SPAG17: variants seen among roughly 807,000 people sequenced by gnomAD.
SPAG17 encodes sperm associated antigen 17.
A neutral mutation model predicts 273.6 loss-of-function variants in SPAG17; 169 were observed. That is an observed-to-expected ratio of 0.62 (90% CI 0.55 to 0.70). SPAG17 has a LOEUF of 0.70. Among genes scored for constraint, SPAG17 ranks in the 30% least tolerant of loss-of-function variants. The probability of loss-of-function intolerance (pLI) is 0.00; values close to 1 mark genes in which losing one functional copy is unlikely to be tolerated. For synonymous variants in SPAG17, 825 were observed against 873.2 expected, an observed-to-expected ratio of 0.94 and a Z score of 0.97; for missense variants, 2,557 against 2,627.8, an observed-to-expected ratio of 0.97 and a Z score of 0.59.
chr1:118,142,497 A>G (rs910496149), intron 3 of SPAG17, among the ~76,000 whole-genome samples: 5 of 152,214 alleles, frequency 3.3e-5, no homozygotes, highest in Non-Finnish European at 5.9e-5. Flanking sequence ...AATAAAAAAA[A>G]TTTAAAGCCT....
intron 28 of SPAG17, among the ~76,000 whole-genome samples, chr1:118,022,630 A>G (rs1647246529): frequency 6.6e-6 from 1 of 152,190 alleles, no homozygotes; most frequent in Non-Finnish European, 1.5e-5. Context: ...TTCTCAGGAC[A>G]GCAGTCTTGC....
At chr1:118,007,077 G>T (rs558269990) in intron 31 of SPAG17, among the ~76,000 whole-genome samples, 2 of 151,912 alleles carry the variant, frequency 1.3e-5, no homozygotes, top group Admixed American at 1.3e-4. Context: ...CGTTCTTGGT[G>T]GTGTCCTTTG....
At position 117,998,587 on chromosome 1, in the gene SPAG17, T is replaced by C. The variant is rs149896540; in HGVS notation, c.4777-1844A>G. On this transcript the variant is annotated intron_variant, in intron 32 of 48. Coordinates refer to ENST00000336338, the MANE Select transcript of SPAG17 (RefSeq NM_206996.4). ...TTTAGAATAGCTTTTTCTGATTCTG[T>C]GAAGAATGTCATTGGTACTGTGATA... 4.6e-3 allele frequency among the ~76,000 whole-genome samples: 705 copies of C among 152,302 alleles called. 2 individuals carry two copies. The highest frequency in any genetic ancestry group is 6.9e-3 in the Admixed American group (105 of 15,298).
At chr1:118,063,343 G>T (rs1571383196) in intron 18 of SPAG17, among the ~76,000 whole-genome samples, 1 of 152,046 alleles carries the variant, frequency 6.6e-6, no homozygotes, top group Non-Finnish European at 1.5e-5. Context: ...TATACTACAA[G>T]GCTACAGTAA....
intron 19 of SPAG17, among the ~76,000 whole-genome samples, chr1:118,054,491 A>G (rs1248702571): frequency 6.6e-6 from 1 of 152,058 alleles, no homozygotes; most frequent in Admixed American, 6.6e-5. Context: ...GAAGACTTAT[A>G]CTTTTCCGTA....
At chr1:117,983,949 A>G (rs1319504824) in intron 41 of SPAG17, 36 bp from the exon 42 acceptor site, 3 of 1,073,214 alleles carry the variant, frequency 2.8e-6, no homozygotes, top group East Asian at 2.4e-5. Flanking sequence ...AGACTTATAC[A>G]TGGCTGAAAT....
At chr1:118,133,197 G>A (rs920999063) in intron 3 of SPAG17, among the ~76,000 whole-genome samples, 7 of 152,046 alleles carry the variant, frequency 4.6e-5, no homozygotes, top group African/African-American at 1.7e-4. Context: ...CAGCACAAGT[G>A]CTCAAAAATG....
Position 118,005,495 on chromosome 1 carries a change from C to G in SPAG17, c.4695G>C (p.Gln1565His). 1 of 1,613,712 alleles carries G rather than the reference C, an allele frequency of 6.2e-7. No individual in the cohort carries two copies. The highest frequency in any genetic ancestry group is 8.5e-7 in the Non-Finnish European group (1 of 1,179,780). ...NIYYPFQKRE[Q>H]LRAGRYIMRH... ...TCATGATGTACCTGCCAGCTCGCAG[C>G]TGCTCACGCTTTTGAAAAGGATAGT... The change falls in exon 32 of 49, where the codon CAG becomes CAC. Residue 1565 changes from glutamine (Q) to histidine (H), a missense_variant. Physicochemically the swap from Gln to His is conservative, Grantham distance 24. Transcript: ENST00000336338.
At chr1:117,963,987 T>C (rs375320593) in intron 47 of SPAG17, 49 bp from the exon 48 acceptor site, 5 of 1,556,902 alleles carry the variant, frequency 3.2e-6, no homozygotes, top group African/African-American at 2.8e-5. Flanking sequence ...ATTATTTGCA[T>C]ATATAAACCT....
Position 117,958,957 on chromosome 1 carries a change from T to C in SPAG17, c.*4842A>G, listed in dbSNP as rs1381375841. 5 of 1,613,902 alleles carry C rather than the reference T, an allele frequency of 3.1e-6. No individual in the cohort carries two copies. The African/African-American group carries it at 5.3e-5, about 17-fold the overall frequency. ...AGCAATCAAATGCTTGTGCCAGTGA[T>C]AGAAAAATTAAGGGAAACAACTATT... is the stretch of plus-strand genomic sequence containing the variant. On this transcript the variant is annotated intron_variant, in intron 48 of 48. Coordinates refer to ENST00000336338, the MANE Select transcript of SPAG17 (RefSeq NM_206996.4).
chr1:118,089,543 G>C (rs916947110), intron 10 of SPAG17, among the ~76,000 whole-genome samples: 1 of 152,022 alleles, frequency 6.6e-6, no homozygotes, highest in Non-Finnish European at 1.5e-5. Context: ...CAATTATAAA[G>C]AGAAAACCCT....
intron 1 of SPAG17, among the ~76,000 whole-genome samples, chr1:118,153,557 A>T (rs565350218): frequency 1.3e-5 from 2 of 152,336 alleles, no homozygotes; most frequent in Non-Finnish European, 2.9e-5. Context: ...CTTCAAAAAT[A>T]GATTAGGTAG....
chr1:118,057,042 A>C (rs1440188420), intron 18 of SPAG17, among the ~76,000 whole-genome samples: 1 of 150,374 alleles, frequency 6.7e-6, no homozygotes, highest in African/African-American at 2.5e-5. Context: ...TGGCGCTACC[A>C]CTTGGTTCAC....
In SPAG17 at chr1:117,988,349, TGTAATACAAC is replaced by T. The variant is rs1656674445; in HGVS notation, c.5522-155_5522-146del. Reference sequence around the variant, plus strand: ...TTTACTAGGACTTACATGACCAAGCTGTAATACAACAGAAAACTAGACTACTTTTATGAAA... The same window carrying T: ...TTTACTAGGACTTACATGACCAAGCTAGAAAACTAGACTACTTTTATGAAA... On this transcript the variant is annotated intron_variant, in intron 38 of 48. Transcript: ENST00000336338. 4 of 494,330 alleles carry T rather than the reference TGTAATACAAC, an allele frequency of 8.1e-6. No homozygotes were observed. In the Admixed American group the frequency reaches 1.1e-4, roughly 14 times the overall value. 30.6% of individuals were successfully genotyped at this position (494,330 alleles called of 1,614,324 possible).
intron 3 of SPAG17, among the ~76,000 whole-genome samples, chr1:118,125,246 T>TATATATA (rs1657650789): frequency 8.0e-6 from 1 of 125,612 alleles, no homozygotes; most frequent in African/African-American, 5.1e-5. Flanking sequence ...TATATATATA[T>TATATATA]TTTTGACATA....
At chr1:117,995,178 A>G (rs1657520095) in intron 34 of SPAG17, among the ~76,000 whole-genome samples, 1 of 151,832 alleles carries the variant, frequency 6.6e-6, no homozygotes, top group African/African-American at 2.4e-5. Flanking sequence ...TTAATTAACC[A>G]TTACCTACCC....
At chr1:118,071,484 T>C (rs575923808) in intron 17 of SPAG17, among the ~76,000 whole-genome samples, 2 of 152,070 alleles carry the variant, frequency 1.3e-5, no homozygotes, top group Non-Finnish European at 2.9e-5. Flanking sequence ...ACCCCATCTC[T>C]ACTATAAATA....
At chr1:118,004,947 G>T (rs966433768) in intron 32 of SPAG17, among the ~76,000 whole-genome samples, 3 of 152,136 alleles carry the variant, frequency 2.0e-5, no homozygotes, top group Non-Finnish European at 4.4e-5. Context: ...GCCATCTTCA[G>T]GATTGTGTTC....
intron 13 of SPAG17, among the ~76,000 whole-genome samples, chr1:118,084,561 T>C (rs1462926575): frequency 3.3e-5 from 5 of 152,230 alleles, no homozygotes; most frequent in Non-Finnish European, 5.9e-5. Flanking sequence ...TAATGACCCC[T>C]CTTCCCACTG....
Sources: allele counts gnomAD v4.1 joint callset (sites outside exome capture counted in the v4.1 genomes callset), GRCh38; gene constraint gnomAD v4.1.1; transcripts MANE v1.5; gene names NCBI Gene and HGNC (gene_info 2026-07-23, HGNC 2026-07-21).